C13orf42: variants seen among roughly 807,000 people sequenced by gnomAD.
C13orf42 encodes chromosome 13 open reading frame 42.
At chr13:51,108,891 G>A (rs1376923066) in intron 1 of C13orf42, among the ~76,000 whole-genome samples, 3 of 152,216 alleles carry the variant, frequency 2.0e-5, no homozygotes, top group Non-Finnish European at 4.4e-5. Flanking sequence ...GCCATTCAAA[G>A]GGCTAGAACT....
In C13orf42 at chr13:51,111,233, T is replaced by G; in HGVS notation, c.-24A>C. ...ATAGTGCTCGATTTCTTTCTGTGGG[T>G]ACCTTCCAGCTGCCTGTGCTGCCGC... On this transcript the variant is annotated 5_prime_UTR_variant, in exon 1 of 4. Coordinates refer to ENST00000563710, the MANE Select transcript of C13orf42 (RefSeq NM_001351589.3). 1 of 398,646 alleles carries G rather than the reference T, an allele frequency of 2.5e-6. No individual in the cohort carries two copies. Among genetic ancestry groups the G allele is most frequent in the Non-Finnish European group, 4.4e-6 (1 of 226,128 alleles). 24.7% of individuals were successfully genotyped at this position (398,646 alleles called of 1,614,324 possible).
chr13:51,156,928 C>T (rs1276244274), intron 1 of C13orf42, among the ~76,000 whole-genome samples: 1 of 152,198 alleles, frequency 6.6e-6, no homozygotes, highest in African/African-American at 2.4e-5. Flanking sequence ...TACAGCTTCT[C>T]GTATTACATA....
intron 1 of C13orf42, among the ~76,000 whole-genome samples, chr13:51,088,673 TACTATGTACCC>T (rs1401909959): frequency 1.3e-5 from 2 of 152,222 alleles, no homozygotes; most frequent in East Asian, 3.8e-4. Context: ...AATATATACC[TACTATGTACCC>T]ACAAAAATTA....
chr13:51,145,406 T>C (rs1953726713), intron 1 of C13orf42, among the ~76,000 whole-genome samples: 1 of 152,180 alleles, frequency 6.6e-6, no homozygotes, highest in Non-Finnish European at 1.5e-5. Context: ...GACATGAGAC[T>C]TCATAACCTG....
At position 51,110,847 on chromosome 13, in the gene C13orf42, G is replaced by A. The variant is rs1953421317; in HGVS notation, c.363C>T (p.Ser121=). The change falls in exon 1 of 4, where the codon TCC becomes TCT. Residue 121 remains serine (S), a synonymous_variant. Transcript: ENST00000563710. ...CAGGAGTCTTTTTCCCTCCCTTGGA[G>A]GATTTGGAGGAGGTTGAGGAAATCC... ...TQGISSTSSK[S]SKGGKKTPVR... is the part of the protein sequence containing the mutation. The A allele has an allele frequency of 2.5e-6, 1 of 398,666 alleles. No individual in the cohort carries two copies. Among genetic ancestry groups the A allele is most frequent in the Non-Finnish European group, 4.4e-6 (1 of 226,088 alleles). 24.7% of individuals were successfully genotyped at this position (398,666 alleles called of 1,614,324 possible).
chr13:51,159,925 G>A (rs1953851734), intron 1 of C13orf42, among the ~76,000 whole-genome samples: 1 of 152,180 alleles, frequency 6.6e-6, no homozygotes, highest in African/African-American at 2.4e-5. Context: ...GGCGGAGGGT[G>A]AAAGATACTT....
intron 1 of C13orf42, among the ~76,000 whole-genome samples, chr13:51,168,534 A>C (rs545061211): frequency 3.9e-5 from 6 of 152,214 alleles, no homozygotes; most frequent in African/African-American, 7.2e-5. Flanking sequence ...TCCCCTGCCC[A>C]CTGGCATCTT....
rs1345791082 is a variant in C13orf42, at chr13:51,117,280, T to C, written n.137-4058A>G. Among the ~76,000 whole-genome samples the C allele has an allele frequency of 6.6e-5, 10 of 152,322 alleles. No homozygotes were observed. In the South Asian group the frequency reaches 2.1e-3, roughly 32 times the overall value. ...TCTAAATGTATTCAGCAAAGACTAATAGCAAAATAGATTATAGTGCCCAAA... is the reference window on the plus strand; with the variant it reads ...TCTAAATGTATTCAGCAAAGACTAACAGCAAAATAGATTATAGTGCCCAAA... On this transcript the variant is annotated intron_variant and non_coding_transcript_variant, in intron 1 of 4. Transcript: ENST00000433280.
chr13:51,093,662 G>A (rs922976876), intron 1 of C13orf42, among the ~76,000 whole-genome samples: 3 of 152,172 alleles, frequency 2.0e-5, no homozygotes, highest in Non-Finnish European at 4.4e-5. Flanking sequence ...GACATCGATT[G>A]GGGGTTTATG....
chr13:51,142,908 C>T (rs1021355135), intron 1 of C13orf42, among the ~76,000 whole-genome samples: 5 of 152,044 alleles, frequency 3.3e-5, no homozygotes, highest in Non-Finnish European at 7.4e-5. Flanking sequence ...ATGTCATGAA[C>T]GGTCAGTGTA....
At position 51,082,477 on chromosome 13, in the gene C13orf42, A is replaced by T. The variant is rs925369353; in HGVS notation, c.*1674T>A. 6.6e-6 allele frequency: 1 copy of T among 152,188 alleles called. No individual in the cohort carries two copies. The highest frequency in any genetic ancestry group is 1.5e-5 in the Non-Finnish European group (1 of 68,024). The allele number at this position is 152,188 out of a possible 1,614,324, so 9.4% of individuals were successfully genotyped here. On this transcript the variant is annotated 3_prime_UTR_variant, in exon 4 of 4. Transcript: ENST00000563710. ...AAAATGTACACAGTATCTTCACCAC[A>T]TAATTTCAGGGTGGATCTATGATAA... is the stretch of plus-strand genomic sequence containing the variant.
chr13:51,115,065 G>T (rs1232568886), upstream of C13orf42, among the ~76,000 whole-genome samples: 2 of 151,894 alleles, frequency 1.3e-5, no homozygotes, highest in Non-Finnish European at 2.9e-5. Flanking sequence ...ATGCATATTT[G>T]CTCAATCATA....
At chr13:51,138,559 GA>G (rs1396099960) in intron 1 of C13orf42, among the ~76,000 whole-genome samples, 4 of 151,622 alleles carry the variant, frequency 2.6e-5, no homozygotes, top group Non-Finnish European at 5.9e-5. Context: ...CAAAAAAAAA[GA>G]AAAAAAGAAA....
Position 51,146,434 on chromosome 13 carries a change from A to C in C13orf42, n.136+25819T>G, listed in dbSNP as rs532139954. On this transcript the variant is annotated intron_variant and non_coding_transcript_variant, in intron 1 of 4. Coordinates refer to the C13orf42 transcript ENST00000433280. ...ACCTCGAATATCCGAGACAGCTGTCAATCAGTTTAAGAAGTTTATTTTGCC... is the reference window on the plus strand; with the variant it reads ...ACCTCGAATATCCGAGACAGCTGTCCATCAGTTTAAGAAGTTTATTTTGCC... Among the ~76,000 whole-genome samples, 3 of 152,330 alleles carry C rather than the reference A, an allele frequency of 2.0e-5. No individual in the cohort carries two copies. In the South Asian group the frequency reaches 6.2e-4, roughly 32 times the overall value.
intron 1 of C13orf42, among the ~76,000 whole-genome samples, chr13:51,109,976 T>C (rs983064975): frequency 1.3e-5 from 2 of 152,166 alleles, no homozygotes. Flanking sequence ...AACAAAGAGA[T>C]AAATGCAAAT....
chr13:51,088,748 T>C (rs1953154642), intron 1 of C13orf42, among the ~76,000 whole-genome samples: 1 of 152,188 alleles, frequency 6.6e-6, no homozygotes, highest in African/African-American at 2.4e-5. Context: ...GGAACCAAAT[T>C]TACACTCAAA....
At chr13:51,116,889 G>A (rs551746905) in intron 1 of C13orf42, among the ~76,000 whole-genome samples, 1 of 152,314 alleles carries the variant, frequency 6.6e-6, no homozygotes, top group Non-Finnish European at 1.5e-5. Context: ...TGAGGTGGCC[G>A]GAATACTTAA....
chr13:51,172,363 G>A (rs1446548570), exon 1 of C13orf42: 4 of 151,804 alleles, frequency 2.6e-5, no homozygotes, highest in African/African-American at 7.3e-5. Context: ...GGATCACCTC[G>A]GAAGCCCCCT....
At chr13:51,103,042 G>C (rs1283926419) in intron 1 of C13orf42, among the ~76,000 whole-genome samples, 2 of 152,162 alleles carry the variant, frequency 1.3e-5, no homozygotes, top group African/African-American at 4.8e-5. Context: ...TTTGGGTGGA[G>C]ACACCTAGTC....
Sources: allele counts gnomAD v4.1 joint callset (sites outside exome capture counted in the v4.1 genomes callset), GRCh38; gene constraint gnomAD v4.1.1; transcripts MANE v1.5; gene names NCBI Gene and HGNC (gene_info 2026-07-23, HGNC 2026-07-21).